MYO3B: variants seen among roughly 807,000 people sequenced by gnomAD.
MYO3B encodes myosin IIIB.
Under a neutral mutation model 174.6 loss-of-function variants are expected in MYO3B, and 156 were observed. That is an observed-to-expected ratio of 0.89 (90% CI 0.78 to 1.02). MYO3B has a LOEUF of 1.02. Among genes scored for constraint, MYO3B ranks in the 50% least tolerant of loss-of-function variants. MYO3B has a pLI of 0.00. For synonymous variants in MYO3B, 563 were observed against 569.1 expected (o/e 0.99, Z 0.15); for missense variants, 1,632 against 1,639.4 (o/e 1.00, Z 0.08).
At chr2:170,548,356 G>A (rs977646954) in intron 32 of MYO3B, among the ~76,000 whole-genome samples, 2 of 152,138 alleles carry the variant, frequency 1.3e-5, no homozygotes, top group Admixed American at 6.5e-5. Flanking sequence ...ACTGCTTAAT[G>A]TCCTAACAAA....
At chr2:170,369,988 T>A (rs2094228484) in intron 9 of MYO3B, among the ~76,000 whole-genome samples, 1 of 152,228 alleles carries the variant, frequency 6.6e-6, no homozygotes. Flanking sequence ...TCTTTTTTTT[T>A]AGAAGGTAGA....
chr2:170,413,127 C>T (rs985287147), intron 22 of MYO3B, among the ~76,000 whole-genome samples: 1 of 152,030 alleles, frequency 6.6e-6, no homozygotes, highest in Non-Finnish European at 1.5e-5. Context: ...ATAAGTGAAG[C>T]AATATAACAA....
intron 1 of MYO3B, among the ~76,000 whole-genome samples, chr2:170,179,413 G>A (rs775574283): frequency 6.6e-6 from 1 of 152,142 alleles, no homozygotes; most frequent in Non-Finnish European, 1.5e-5. Flanking sequence ...TGGTTTGAAT[G>A]TCCCCTCCAA....
chr2:170,214,647 A>T, intron 4 of MYO3B, 82 bp from the exon 5 acceptor site: 1 of 1,377,572 alleles, frequency 7.3e-7, no homozygotes, highest in Non-Finnish European at 1.0e-6. Context: ...ACTTTTCAAT[A>T]GTAGGGTAAT....
At chr2:170,199,899 TATC>T (rs1406887207) in intron 2 of MYO3B, among the ~76,000 whole-genome samples, 2 of 152,288 alleles carry the variant, frequency 1.3e-5, no homozygotes, top group African/African-American at 2.4e-5. Flanking sequence ...AAAGAAAAAA[TATC>T]ATAAACATTA....
At chr2:170,292,095 T>A (rs1375391878) in intron 7 of MYO3B, among the ~76,000 whole-genome samples, 2 of 152,160 alleles carry the variant, frequency 1.3e-5, no homozygotes, top group Non-Finnish European at 2.9e-5. Flanking sequence ...ATTTTCTGCA[T>A]CTTGTAGTTG....
chr2:170,641,029 G>A (rs1697911921), intron 32 of MYO3B: 1 of 152,106 alleles, frequency 6.6e-6, no homozygotes. Flanking sequence ...TTTTAAAACA[G>A]GCATACCCAC....
intron 32 of MYO3B, among the ~76,000 whole-genome samples, chr2:170,548,106 C>CAAAAAAAAA (rs10532249): frequency 3.9e-5 from 2 of 51,684 alleles, no homozygotes; most frequent in African/African-American, 2.0e-4. Context: ...GACTCCGTCT[C>CAAAAAAAAA]AAAAAAAAAA....
intron 7 of MYO3B, among the ~76,000 whole-genome samples, chr2:170,318,530 G>A (rs2093792133): frequency 6.6e-6 from 1 of 152,186 alleles, no homozygotes; most frequent in African/African-American, 2.4e-5. Flanking sequence ...CTAGGATGCT[G>A]ATGTGGTTAT....
chr2:170,210,016 T>G (rs1419183205), intron 3 of MYO3B, among the ~76,000 whole-genome samples: 2 of 152,222 alleles, frequency 1.3e-5, no homozygotes, highest in African/African-American at 4.8e-5. Flanking sequence ...GGAAGCCTAT[T>G]AAATATGTTA....
At chr2:170,609,707 T>G (rs765275382) in intron 32 of MYO3B, among the ~76,000 whole-genome samples, 9 of 152,242 alleles carry the variant, frequency 5.9e-5, no homozygotes, top group Admixed American at 1.3e-4. Flanking sequence ...TCAGTGCTGG[T>G]AAGGTGGCCA....
In MYO3B at chr2:170,498,627, CTCTT is replaced by C. The variant is rs773468877; in HGVS notation, c.3051_3054del (p.Ser1020LysfsTer13). On this transcript the variant is annotated frameshift_variant, in exon 26 of 35. Coordinates refer to ENST00000408978, the MANE Select transcript of MYO3B (RefSeq NM_138995.5). LOFTEE classifies it high-confidence loss of function. The stretch of plus-strand genomic sequence containing the variant: ...TTGGCATTCACAGCACATCAAACAC[CTCTT>C]GCTAGCAAAGAGAGCTGTGTGGCTA... 91 of 1,613,912 alleles carry C rather than the reference CTCTT, an allele frequency of 5.6e-5. No homozygotes were observed. Among genetic ancestry groups the C allele is most frequent in the Non-Finnish European group, 7.0e-5 (83 of 1,179,952 alleles).
At chr2:170,632,452 C>T (rs1017545861) in intron 32 of MYO3B, among the ~76,000 whole-genome samples, 13 of 151,960 alleles carry the variant, frequency 8.6e-5, no homozygotes, top group Non-Finnish European at 1.6e-4. Flanking sequence ...CACAACATAC[C>T]AGAATCTCTG....
At chr2:170,522,486 CT>C (rs1174391505) in intron 30 of MYO3B, among the ~76,000 whole-genome samples, 1 of 152,238 alleles carries the variant, frequency 6.6e-6, no homozygotes, top group Non-Finnish European at 1.5e-5. Context: ...TTTCTTTCTC[CT>C]TCTGTCTTTA....
chr2:170,217,296 A>T, intron 5 of MYO3B, 23 bp from the exon 6 acceptor site: 1 of 1,610,486 alleles, frequency 6.2e-7, no homozygotes, highest in South Asian at 1.1e-5. Flanking sequence ...TCACTTTTGA[A>T]TTCTGATACT....
At chr2:170,498,128 C>T (rs1031680141) in intron 25 of MYO3B, among the ~76,000 whole-genome samples, 8 of 152,112 alleles carry the variant, frequency 5.3e-5, no homozygotes, top group Non-Finnish European at 7.4e-5. Context: ...ATGAATAGCT[C>T]AGCAGAATCA....
At chr2:170,621,779 TG>T (rs1406878843) in intron 32 of MYO3B, among the ~76,000 whole-genome samples, 2 of 152,132 alleles carry the variant, frequency 1.3e-5, no homozygotes, top group African/African-American at 2.4e-5. Flanking sequence ...CCCAAAGTAC[TG>T]GGGCCACCGT....
chr2:170,195,775 C>T (rs183294445), intron 1 of MYO3B, among the ~76,000 whole-genome samples: 2 of 152,170 alleles, frequency 1.3e-5, no homozygotes, highest in African/African-American at 2.4e-5. Flanking sequence ...TGTGCTCCCC[C>T]TCCCATAAGG....
At chr2:170,336,602 A>G (rs186023092) in intron 8 of MYO3B, among the ~76,000 whole-genome samples, 70 of 152,292 alleles carry the variant, frequency 4.6e-4, no homozygotes, top group African/African-American at 1.7e-3. Flanking sequence ...GAGGCTATTT[A>G]TAGTTGTTAT....
Sources: allele counts gnomAD v4.1 joint callset (sites outside exome capture counted in the v4.1 genomes callset), GRCh38; gene constraint gnomAD v4.1.1; transcripts MANE v1.5; gene names NCBI Gene and HGNC (gene_info 2026-07-23, HGNC 2026-07-21).